RNASEH2B: variants seen among roughly 807,000 people sequenced by gnomAD.
The protein encoded by RNASEH2B is Aicardi-Goutieres syndrome 2 protein.
In RNASEH2B, 36 loss-of-function variants were observed where a neutral mutation model predicts 45.0. That is an observed-to-expected ratio of 0.80 (90% CI 0.61 to 1.06). The LOEUF is 1.06. Ranked by LOEUF, RNASEH2B falls within the 50% of genes least tolerant of loss-of-function variation. The pLI is 0.00. For synonymous variants in RNASEH2B, 119 were observed against 125.7 expected (o/e 0.95, Z 0.35); for missense variants, 361 against 360.3 (o/e 1.00, Z -0.02).
chr13:50,935,660 C>G (rs1350171133), intron 5 of RNASEH2B: 3 of 153,328 alleles, frequency 2.0e-5, no homozygotes, highest in Non-Finnish European at 2.9e-5. Flanking sequence ...AGCAGTGTAA[C>G]AGAGGCTCAG....
At chr13:50,957,051 T>C (rs1368775747), downstream of RNASEH2B, among the ~76,000 whole-genome samples, 2 of 152,094 alleles carry the variant, frequency 1.3e-5, no homozygotes, top group Non-Finnish European at 2.9e-5. Flanking sequence ...TATTGTCTTA[T>C]AATAATTTTT....
At chr13:50,969,884 C>T (rs1257131721) in intron 9 of RNASEH2B, 5 of 1,532,150 alleles carry the variant, frequency 3.3e-6, no homozygotes, top group African/African-American at 1.4e-5. Context: ...TTTCAGGTGA[C>T]TGTTTCTCCT....
chr13:50,948,243 G>A (rs980910537), intron 8 of RNASEH2B, 175 bp downstream of exon 8: 3 of 989,106 alleles, frequency 3.0e-6, no homozygotes, highest in Admixed American at 5.9e-5. Flanking sequence ...GGAATGAACT[G>A]ATTTGATGGA....
chr13:50,963,952 C>G (rs1482470300), intron 9 of RNASEH2B, among the ~76,000 whole-genome samples: 1 of 152,206 alleles, frequency 6.6e-6, no homozygotes, highest in Admixed American at 6.5e-5. Context: ...AATCCCAGCA[C>G]TTTGGGAGGC....
intron 10 of RNASEH2B, chr13:50,954,687 T>G (rs1403927898): frequency 6.6e-6 from 1 of 152,236 alleles, no homozygotes; most frequent in Admixed American, 6.5e-5. Context: ...CTCCAATCAT[T>G]TCATTAGACA....
downstream of RNASEH2B, among the ~76,000 whole-genome samples, chr13:50,957,885 G>T (rs922217723): frequency 6.6e-6 from 1 of 152,030 alleles, no homozygotes; most frequent in Non-Finnish European, 1.5e-5. Flanking sequence ...TAATATGTTT[G>T]TGATCACTTG....
At chr13:50,916,156 T>C (rs1396083181) in intron 1 of RNASEH2B, among the ~76,000 whole-genome samples, 2 of 152,138 alleles carry the variant, frequency 1.3e-5, no homozygotes, top group African/African-American at 4.8e-5. Context: ...TTTGGAGATA[T>C]TTCTTTCCAG....
At position 50,953,848 on chromosome 13, in the gene RNASEH2B, G is replaced by A; in HGVS notation, c.742-57G>A. On this transcript the variant is annotated intron_variant, in intron 9 of 10. Transcript: ENST00000336617. ...TATACATGTTGGGTTTTTTTTTAAT[G>A]GATTGATGTTGTGTCAAAGTGACAT... 2.6e-6 allele frequency: 3 copies of A among 1,163,276 alleles called. No individual in the cohort carries two copies. The South Asian group carries it at 3.7e-5, about 15-fold the overall frequency. The allele number at this position is 1,163,276 out of a possible 1,614,324, so 72.1% of individuals were successfully genotyped here. A position where few individuals can be genotyped will look rare whatever the true frequency, so the allele number is the denominator to read the frequency against.
chr13:50,931,216 A>G (rs779281060), intron 4 of RNASEH2B, among the ~76,000 whole-genome samples: 2 of 152,218 alleles, frequency 1.3e-5, no homozygotes, highest in Non-Finnish European at 2.9e-5. Flanking sequence ...TTGAGACTTA[A>G]GGAATCCCAG....
rs757714442 is a variant in RNASEH2B at position 50,910,186 on chromosome 13, G to A, written c.64+46G>A. The A allele has an allele frequency of 1.6e-4, 221 of 1,350,804 alleles. 1 individual carries two copies. In the African/African-American group the frequency reaches 2.7e-3, roughly 17 times the overall value. 83.7% of individuals were successfully genotyped at this position (1,350,804 alleles called of 1,614,324 possible). Reference sequence around the variant, plus strand: ...GGCGGGGTCGGCCCAAGAACTGGCGGAGCGGCCCGCGACCCCGGGCGCGCC... The same window carrying A: ...GGCGGGGTCGGCCCAAGAACTGGCGAAGCGGCCCGCGACCCCGGGCGCGCC... On this transcript the variant is annotated intron_variant, in intron 1 of 10. Coordinates refer to ENST00000336617, the MANE Select transcript of RNASEH2B (RefSeq NM_024570.4).
At chr13:50,915,713 C>G (rs1002970136) in intron 1 of RNASEH2B, among the ~76,000 whole-genome samples, 8 of 152,220 alleles carry the variant, frequency 5.3e-5, no homozygotes, top group Non-Finnish European at 8.8e-5. Context: ...TTATTCAGAG[C>G]TACCTTTATG....
chr13:50,909,775 G>C (rs936616032), upstream of RNASEH2B: 6 of 287,532 alleles, frequency 2.1e-5, no homozygotes, highest in Admixed American at 5.5e-5. Context: ...CCTGCGGCGC[G>C]CGATGAGCAC....
At chr13:50,958,366 A>T (rs796565373), downstream of RNASEH2B, among the ~76,000 whole-genome samples, 1 of 151,854 alleles carries the variant, frequency 6.6e-6, no homozygotes, top group Admixed American at 6.6e-5. Context: ...CCCATTGCTT[A>T]TTTTTGTTGA....
chr13:50,926,285 A>T (rs1261433669), intron 1 of RNASEH2B, among the ~76,000 whole-genome samples: 2 of 152,168 alleles, frequency 1.3e-5, no homozygotes, highest in Admixed American at 1.3e-4. Context: ...TCTGAAGTAG[A>T]GTAAAGGGAG....
At chr13:50,931,955 T>TACACACACACACACACACAC (rs60335654) in intron 4 of RNASEH2B, among the ~76,000 whole-genome samples, 1 of 148,932 alleles carries the variant, frequency 6.7e-6, no homozygotes, top group Admixed American at 6.7e-5. Context: ...CATCTCATTT[T>TACACACACACACACACACAC]ACACACACAC....
At chr13:50,916,408 G>A (rs2137889528) in intron 1 of RNASEH2B, among the ~76,000 whole-genome samples, 1 of 152,162 alleles carries the variant, frequency 6.6e-6, no homozygotes, top group Non-Finnish European at 1.5e-5. Context: ...ATTTTGATAA[G>A]GACAGAAACT....
At chr13:50,960,997 G>C, downstream of RNASEH2B, among the ~76,000 whole-genome samples, 1 of 152,024 alleles carries the variant, frequency 6.6e-6, no homozygotes, top group South Asian at 2.1e-4. Context: ...ATATTTGCTG[G>C]AATATTTCTT....
intron 4 of RNASEH2B, among the ~76,000 whole-genome samples, chr13:50,932,613 A>G (rs967099333): frequency 1.3e-5 from 2 of 152,202 alleles, no homozygotes; most frequent in African/African-American, 2.4e-5. Flanking sequence ...TCTTAGCAGT[A>G]TTAGGAAAAT....
Position 50,956,598 on chromosome 13 carries a change from A to T in RNASEH2B, c.*124A>T, listed in dbSNP as rs1441319652. Reference sequence around the variant, plus strand: ...AGGCCAATTTCATGTTCTCTTAAACATTTCTTTGCATTTGGTTTTTGTGTT... The same window carrying T: ...AGGCCAATTTCATGTTCTCTTAAACTTTTCTTTGCATTTGGTTTTTGTGTT... On this transcript the variant is annotated 3_prime_UTR_variant, in exon 11 of 11. Coordinates refer to ENST00000336617, the MANE Select transcript of RNASEH2B (RefSeq NM_024570.4). 2 of 1,483,746 alleles carry T rather than the reference A, an allele frequency of 1.3e-6. No individual in the cohort carries two copies. Among genetic ancestry groups the T allele is most frequent in the East Asian group, 5.2e-5 (2 of 38,148 alleles). The allele number at this position is 1,483,746 out of a possible 1,614,324, so 91.9% of individuals were successfully genotyped here. A position where few individuals can be genotyped will look rare whatever the true frequency, so the allele number is the denominator to read the frequency against.
Sources: allele counts gnomAD v4.1 joint callset (sites outside exome capture counted in the v4.1 genomes callset), GRCh38; gene constraint gnomAD v4.1.1; transcripts MANE v1.5; gene names NCBI Gene and HGNC (gene_info 2026-07-23, HGNC 2026-07-21).